Variants in HECW2 observed in about 807,000 individuals in gnomAD.
HECW2 encodes the protein HECT, C2 and WW domain containing E3 ubiquitin protein ligase 2, also known as E3 ubiquitin-protein ligase HECW2.
In HECW2, 61 loss-of-function variants were observed where a neutral mutation model predicts 175.2. The observed-to-expected ratio is 0.35, with a 90% CI of 0.28 to 0.43. The LOEUF is 0.43. HECW2 is among the 20% of genes least tolerant of loss of function. The pLI is 1.00. For synonymous variants in HECW2, 671 were observed against 731.0 expected, an observed-to-expected ratio of 0.92 and a Z score of 1.32; for missense variants, 1,524 against 2,000.5, an observed-to-expected ratio of 0.76 and a Z score of 4.54.
chr2:196,325,037 C>T lies in HECW2; in HGVS notation c.684G>A (p.Gly228=). 1 of 1,611,300 alleles carries T rather than the reference C, an allele frequency of 6.2e-7. No individual in the cohort carries two copies. The highest frequency in any genetic ancestry group is 8.5e-7 in the Non-Finnish European group (1 of 1,179,040). Residue 228 remains glycine (G), a synonymous_variant, in exon 6 of 29, where the codon GGG becomes GGA. Transcript: ENST00000644978. ...TGATGATAGTAGACCGTCTCTCCTGCCCGTGGTGGGCACAGGTGGGGAAAC... is the reference window on the plus strand; with the variant it reads ...TGATGATAGTAGACCGTCTCTCCTGTCCGTGGTGGGCACAGGTGGGGAAAC... ...KSSFPTCAHH[G]QERRSTIISN...
rs550440637 is a variant in HECW2, at chr2:196,398,801, G to C, written c.292+34331C>G. On this transcript the variant is annotated intron_variant, in intron 2 of 28. Transcript: ENST00000644978. The stretch of plus-strand genomic sequence containing the variant: ...GATACAGAAGCTCAATAACTCTGAG[G>C]AGAAATAAAATTTTTAAAAATACTG... Among the ~76,000 whole-genome samples the C allele has an allele frequency of 1.1e-4, 17 of 152,196 alleles. No homozygotes were observed. In the South Asian group the frequency reaches 3.5e-3, roughly 32 times the overall value.
chr2:196,404,096 G>GA (rs1694893014), intron 2 of HECW2, among the ~76,000 whole-genome samples: 1 of 152,096 alleles, frequency 6.6e-6, no homozygotes, highest in Admixed American at 6.5e-5. Flanking sequence ...TTGAGTGCCA[G>GA]AAAAAAGTCT....
At chr2:196,338,038 C>T (rs961700219) in intron 3 of HECW2, among the ~76,000 whole-genome samples, 4 of 152,168 alleles carry the variant, frequency 2.6e-5, no homozygotes, top group Non-Finnish European at 5.9e-5. Flanking sequence ...TACTAATTTT[C>T]ATAAATACAA....
chr2:196,280,723 A>AC (rs1641034194), intron 14 of HECW2, among the ~76,000 whole-genome samples: 1 of 152,204 alleles, frequency 6.6e-6, no homozygotes, highest in South Asian at 2.1e-4. Context: ...ACAGGTTCTG[A>AC]CCCCAAATGT....
chr2:196,399,783 T>A (rs1194960018), intron 2 of HECW2, among the ~76,000 whole-genome samples: 2 of 152,254 alleles, frequency 1.3e-5, no homozygotes, highest in East Asian at 3.8e-4. Flanking sequence ...TTCAAAAGAA[T>A]ACTTCAAATT....
intron 17 of HECW2, among the ~76,000 whole-genome samples, chr2:196,270,676 G>A (rs939742202): frequency 6.7e-6 from 1 of 149,686 alleles, no homozygotes; most frequent in Admixed American, 6.8e-5. Flanking sequence ...ATAGGGTTCT[G>A]GGTTGTTTAG....
At chr2:196,432,349 T>C (rs1695740803) in intron 2 of HECW2, among the ~76,000 whole-genome samples, 1 of 152,214 alleles carries the variant, frequency 6.6e-6, no homozygotes, top group Non-Finnish European at 1.5e-5. Context: ...ATTTTCTTCA[T>C]TCAATGAAAA....
intron 15 of HECW2, among the ~76,000 whole-genome samples, chr2:196,275,476 A>C (rs1024046925): frequency 6.6e-6 from 1 of 152,210 alleles, no homozygotes; most frequent in Non-Finnish European, 1.5e-5. Context: ...TGTGTGGGCC[A>C]GGCACGGTGG....
At chr2:196,462,996 C>T (rs1696808038) in intron 1 of HECW2, among the ~76,000 whole-genome samples, 1 of 152,170 alleles carries the variant, frequency 6.6e-6, no homozygotes, top group Non-Finnish European at 1.5e-5. Context: ...CTCCCCCATT[C>T]CCCAGTGGTA....
At chr2:196,591,526 T>C (rs1475335047) in intron 1 of HECW2, among the ~76,000 whole-genome samples, 1 of 152,138 alleles carries the variant, frequency 6.6e-6, no homozygotes, top group Non-Finnish European at 1.5e-5. Context: ...AATAGCTCAA[T>C]TGGGACTTTT....
intron 2 of HECW2, among the ~76,000 whole-genome samples, chr2:196,407,516 A>G (rs1182174602): frequency 6.6e-6 from 1 of 152,216 alleles, no homozygotes; most frequent in Non-Finnish European, 1.5e-5. Context: ...ACACTTTCAC[A>G]AACATTTGTT....
At chr2:196,442,369 T>G (rs574653130) in intron 1 of HECW2, among the ~76,000 whole-genome samples, 1 of 152,322 alleles carries the variant, frequency 6.6e-6, no homozygotes, top group East Asian at 1.9e-4. Flanking sequence ...ACAACACTCA[T>G]ATGTTGCTGA....
Position 196,327,219 on chromosome 2 carries a change from G to A in HECW2, c.572-2070C>T, listed in dbSNP as rs549870672. Among the ~76,000 whole-genome samples, 3 of 152,240 alleles carry A rather than the reference G, an allele frequency of 2.0e-5. No individual in the cohort carries two copies. The South Asian group carries it at 6.2e-4, about 32-fold the overall frequency. On this transcript the variant is annotated intron_variant, in intron 5 of 28. Transcript: ENST00000644978. ...TTCCACCAGACAATTAAGTCACTGC[G>A]ATAAATAATATCACTGTTAGATAAG...
chr2:196,294,146 C>T (rs1690715277), intron 13 of HECW2, among the ~76,000 whole-genome samples: 1 of 152,038 alleles, frequency 6.6e-6, no homozygotes, highest in African/African-American at 2.4e-5. Context: ...CAAAACCTTA[C>T]AGTCTTCATT....
At position 196,455,832 on chromosome 2, in the gene HECW2, G is replaced by T. The variant is rs61408870; in HGVS notation, c.-35-22374C>A. On this transcript the variant is annotated intron_variant, in intron 1 of 28. Transcript: ENST00000644978. ...AGAAATTCAGACAATAATGCAGTTT[G>T]TACAATAACCCAAAATCAATTATTT... Among the ~76,000 whole-genome samples, 184 of 151,894 alleles carry T rather than the reference G, an allele frequency of 1.2e-3. 2 individuals are homozygous for T. In the East Asian group the frequency reaches 0.027, roughly 22 times the overall value.
intron 2 of HECW2, among the ~76,000 whole-genome samples, chr2:196,417,032 C>T (rs566587735): frequency 1.3e-5 from 2 of 152,348 alleles, no homozygotes; most frequent in Middle Eastern, 3.4e-3. Flanking sequence ...CTATTAGGCA[C>T]TGTATTTTTC....
chr2:196,459,470 C>T (rs376004631), intron 1 of HECW2, among the ~76,000 whole-genome samples: 12 of 152,022 alleles, frequency 7.9e-5, no homozygotes, highest in Non-Finnish European at 8.8e-5. Context: ...GCCCCCCCAA[C>T]CTACTGAACA....
chr2:196,472,392 G>A (rs950114751), intron 1 of HECW2, among the ~76,000 whole-genome samples: 4 of 151,332 alleles, frequency 2.6e-5, no homozygotes, highest in African/African-American at 4.9e-5. Context: ...AGAGGCTGAG[G>A]TGGGAGAACC....
chr2:196,286,242 C>CTGAATGTGAACAAA (rs2106010671), intron 14 of HECW2, among the ~76,000 whole-genome samples: 1 of 152,214 alleles, frequency 6.6e-6, no homozygotes, highest in African/African-American at 2.4e-5. Context: ...CCACAGAGAG[C>CTGAATGTGAACAAA]TGATTGTTCA....
Sources: allele counts gnomAD v4.1 joint callset (sites outside exome capture counted in the v4.1 genomes callset), GRCh38; gene constraint gnomAD v4.1.1; transcripts MANE v1.5; gene names NCBI Gene and HGNC (gene_info 2026-07-23, HGNC 2026-07-21).